Variants in RAP1GAP observed in about 807,000 individuals in gnomAD.
The protein encoded by RAP1GAP is rap1 GTPase-activating protein 1.
RAP1GAP carries 35 observed loss-of-function variants against 87.2 expected under a neutral mutation model. That is an observed-to-expected ratio of 0.40 (90% CI 0.31 to 0.53). RAP1GAP has a LOEUF of 0.53. RAP1GAP is among the 20% of genes least tolerant of loss of function. The pLI is 0.48. For missense variants in RAP1GAP, 734 were observed against 898.9 expected, an observed-to-expected ratio of 0.82 and a Z score of 2.35; for synonymous variants, 375 against 363.9, an observed-to-expected ratio of 1.03 and a Z score of -0.35.
chr1:21,654,346 C>T (rs531045031), intron 1 of RAP1GAP, among the ~76,000 whole-genome samples: 2 of 152,338 alleles, frequency 1.3e-5, no homozygotes, highest in South Asian at 4.1e-4. Context: ...TCAGCTCTCC[C>T]GCTTGTCACC....
chr1:21,609,968 A>AG lies in RAP1GAP; in HGVS notation c.999+151dup. 1.0e-6 allele frequency: 1 copy of AG among 990,300 alleles called. No homozygotes were observed. 61.3% of individuals were successfully genotyped at this position (990,300 alleles called of 1,614,324 possible). A position where few individuals can be genotyped will look rare whatever the true frequency, so the allele number is the denominator to read the frequency against. Reference sequence around the variant, plus strand: ...TGAGGGGGTGAGCTTTGGGGACGACAGGGGGCGTGGTGTGAACAGTGCACC... The same window carrying AG: ...TGAGGGGGTGAGCTTTGGGGACGACAGGGGGGCGTGGTGTGAACAGTGCACC... On this transcript the variant is annotated intron_variant, in intron 14 of 24. Coordinates refer to ENST00000374765, the MANE Select transcript of RAP1GAP (RefSeq NM_002885.4). This position sits in a 1 kb window ranked among gnomAD's most constrained non-coding sequence, Gnocchi z 4.4.
chr1:21,669,357 C>G lies in RAP1GAP; in HGVS notation c.-252G>C, dbSNP rs2097509775. 9.4e-7 allele frequency: 1 copy of G among 1,059,326 alleles called. No homozygotes were observed. Among genetic ancestry groups the G allele is most frequent in the Non-Finnish European group, 1.1e-6 (1 of 873,726 alleles). 65.6% of individuals were successfully genotyped at this position (1,059,326 alleles called of 1,614,324 possible). A position where few individuals can be genotyped will look rare whatever the true frequency, so the allele number is the denominator to read the frequency against. ...GCCGGCGCTCGCCGCCGCCGCAGTT[C>G]GGGGAGGGGGACGTCACATGACCGC... On this transcript the variant is annotated 5_prime_UTR_variant, in exon 1 of 25. Coordinates refer to ENST00000374765, the MANE Select transcript of RAP1GAP (RefSeq NM_002885.4). The surrounding 1 kb of genome is among the most constrained non-coding windows in gnomAD (Gnocchi z 5.6).
At chr1:21,645,612 G>A (rs2095978074) in intron 2 of RAP1GAP, among the ~76,000 whole-genome samples, 1 of 152,224 alleles carries the variant, frequency 6.6e-6, no homozygotes, top group Non-Finnish European at 1.5e-5. Context: ...GCTTGGCCAA[G>A]GGGATGAGGC....
At position 21,609,602 on chromosome 1, in the gene RAP1GAP, G is replaced by C. The variant is rs371386567; in HGVS notation, c.1044C>G (p.Pro348=). ...TCCTGAACACAGCGGGGTCCGGGAG[G>C]GGGGGTCCAAAGAAGGGCACATCAT... is the stretch of plus-strand genomic sequence containing the variant. ...ARDDVPFFGP[P]LPDPAVFRKG... The change falls in exon 15 of 25, where the codon CCC becomes CCG. Residue 348 remains proline, a synonymous_variant. Coordinates refer to ENST00000374765, the MANE Select transcript of RAP1GAP (RefSeq NM_002885.4). This position sits in a 1 kb window ranked among gnomAD's most constrained non-coding sequence, Gnocchi z 4.4. 25 of 1,580,578 alleles carry C rather than the reference G, an allele frequency of 1.6e-5. No homozygotes were observed. In the East Asian group the frequency reaches 3.7e-4, roughly 23 times the overall value.
At chr1:21,625,878 G>A (rs2091799765) in intron 3 of RAP1GAP, among the ~76,000 whole-genome samples, 1 of 152,178 alleles carries the variant, frequency 6.6e-6, no homozygotes, top group Non-Finnish European at 1.5e-5. Context: ...CTCGTTGACA[G>A]GGCTCTTGCT....
chr1:21,657,014 C>T (rs953987136), intron 1 of RAP1GAP, among the ~76,000 whole-genome samples: 1 of 152,222 alleles, frequency 6.6e-6, no homozygotes, highest in Non-Finnish European at 1.5e-5. Flanking sequence ...CAGACACTGG[C>T]GATAGAGTCT....
At chr1:21,624,997 C>T (rs1438557924) in intron 3 of RAP1GAP, among the ~76,000 whole-genome samples, 1 of 152,208 alleles carries the variant, frequency 6.6e-6, no homozygotes, top group Non-Finnish European at 1.5e-5. Flanking sequence ...ACCCAGCTGT[C>T]AAGTGAGGGC....
intron 1 of RAP1GAP, among the ~76,000 whole-genome samples, chr1:21,664,280 C>T (rs76929929): frequency 0.012 from 1,807 of 152,264 alleles, 14 homozygotes; most frequent in African/African-American, 0.022. Context: ...GGGAAACAGG[C>T]GAGGGGGCCA....
Position 21,610,289 on chromosome 1 carries a change from C to T in RAP1GAP, c.844-14G>A. ...CTTCCGCTGCAACTGAGCACAAAGC[C>T]ACGGGCCTTCGTGGTCTGGCCAGAG... On this transcript the variant is annotated splice_polypyrimidine_tract_variant and intron_variant, in intron 13 of 24. Coordinates refer to ENST00000374765, the MANE Select transcript of RAP1GAP (RefSeq NM_002885.4). The T allele has an allele frequency of 1.2e-6, 2 of 1,613,820 alleles. No individual in the cohort carries two copies. Among genetic ancestry groups the T allele is most frequent in the South Asian group, 1.1e-5 (1 of 91,068 alleles).
chr1:21,661,942 A>G (rs1300290242), intron 1 of RAP1GAP, among the ~76,000 whole-genome samples: 2 of 152,158 alleles, frequency 1.3e-5, no homozygotes, highest in African/African-American at 4.8e-5. Flanking sequence ...TCTCTTGGAA[A>G]CAGCTCTGCC....
intron 1 of RAP1GAP, among the ~76,000 whole-genome samples, chr1:21,658,127 C>T (rs1334225030): frequency 1.3e-5 from 2 of 152,252 alleles, no homozygotes; most frequent in East Asian, 1.9e-4. Flanking sequence ...GTAAAAAGCC[C>T]GGGTAACCCA....
chr1:21,648,421 T>C (rs1486256601), intron 2 of RAP1GAP, among the ~76,000 whole-genome samples: 1 of 152,222 alleles, frequency 6.6e-6, no homozygotes, highest in Admixed American at 6.5e-5. Flanking sequence ...GCACAGAGTC[T>C]GGAAGATCAA....
rs2083302315 is a variant in RAP1GAP, at chr1:21,617,849, AAGG to A, written c.105+82_105+84del. The A allele has an allele frequency of 7.6e-6, 12 of 1,572,088 alleles. No individual in the cohort carries two copies. In the Admixed American group the frequency reaches 2.0e-4, roughly 26 times the overall value. ...AGCAAGGCCTGCAGGTCAGGCTCCT[AAGG>A]AGGAGGACCTGGTATCCAGAAGCCC... is the stretch of plus-strand genomic sequence containing the variant. On this transcript the variant is annotated intron_variant, in intron 6 of 24. Coordinates refer to ENST00000374765, the MANE Select transcript of RAP1GAP (RefSeq NM_002885.4).
Position 21,610,286 on chromosome 1 carries a change from A to C in RAP1GAP, c.844-11T>G. On this transcript the variant is annotated splice_polypyrimidine_tract_variant and intron_variant, in intron 13 of 24. Transcript: ENST00000374765. ...CCGCTTCCGCTGCAACTGAGCACAA[A>C]GCCACGGGCCTTCGTGGTCTGGCCA... 1 of 1,613,822 alleles carries C rather than the reference A, an allele frequency of 6.2e-7. No individual in the cohort carries two copies. The highest frequency in any genetic ancestry group is 8.5e-7 in the Non-Finnish European group (1 of 1,179,900).
At position 21,605,971 on chromosome 1, in the gene RAP1GAP, C is replaced by G. The variant is rs1570535738; in HGVS notation, c.1428+95G>C. The G allele has an allele frequency of 2.1e-6, 3 of 1,417,148 alleles. No homozygotes were observed. The East Asian group carries it at 7.5e-5, about 35-fold the overall frequency. The allele number at this position is 1,417,148 out of a possible 1,614,324, so 87.8% of individuals were successfully genotyped here. ...TAGGATGGGCATGTGGGCAGCAGGG[C>G]AACAGAGAGAGTTGGAGTCAGGCCT... On this transcript the variant is annotated intron_variant, in intron 18 of 24. Coordinates refer to ENST00000374765, the MANE Select transcript of RAP1GAP (RefSeq NM_002885.4).
chr1:21,634,819 CA>C lies in RAP1GAP; in HGVS notation c.-112-8423del, dbSNP rs1553471555. Reference sequence around the variant, plus strand: ...CAGGTGGCCTGAGCCCCACTGTGGCCAAAACCTGACCCTTCCCACCCCACCG... The same window carrying C: ...CAGGTGGCCTGAGCCCCACTGTGGCCAAACCTGACCCTTCCCACCCCACCG... On this transcript the variant is annotated intron_variant, in intron 2 of 24. Transcript: ENST00000374765. The surrounding 1 kb of genome is among the most constrained non-coding windows in gnomAD (Gnocchi z 4.1). 4 of 413,136 alleles carry C rather than the reference CA, an allele frequency of 9.7e-6. No homozygotes were observed. Among genetic ancestry groups the C allele is most frequent in the Non-Finnish European group, 1.5e-5 (3 of 197,400 alleles). 25.6% of individuals were successfully genotyped at this position (413,136 alleles called of 1,614,324 possible). A position where few individuals can be genotyped will look rare whatever the true frequency, so the allele number is the denominator to read the frequency against.
intron 2 of RAP1GAP, among the ~76,000 whole-genome samples, chr1:21,629,115 A>C (rs903595415): frequency 6.6e-6 from 1 of 152,160 alleles, no homozygotes; most frequent in Non-Finnish European, 1.5e-5. Context: ...TCCCCTAGCG[A>C]ATGGGGGATG....
chr1:21,606,138 G>T lies in RAP1GAP; in HGVS notation c.1356C>A (p.Pro452=). The T allele has an allele frequency of 6.3e-7, 1 of 1,585,224 alleles. No homozygotes were observed. The highest frequency in any genetic ancestry group is 2.3e-5 in the East Asian group (1 of 43,738). The part of the protein sequence containing the change: ...MDAMGLSNKK[P]NTVSTSHSGS... ...CGCTGTGGCTGGTGGACACGGTGTT[G>T]GGCTTCTTGTTGCTCAGCCCCATGG... Residue 452 remains proline, a synonymous_variant, in exon 18 of 25, where the codon CCC becomes CCA. Transcript: ENST00000374765.
chr1:21,661,082 T>C lies in RAP1GAP; in HGVS notation c.-149+8172A>G, dbSNP rs150593753. On this transcript the variant is annotated intron_variant, in intron 1 of 24. Transcript: ENST00000374765. Reference sequence around the variant, plus strand: ...GCCTGGCCAATATGGCAAAACCCCATCTCTAGTAAAAATACAAAAATTAGC... The same window carrying C: ...GCCTGGCCAATATGGCAAAACCCCACCTCTAGTAAAAATACAAAAATTAGC... 9.6e-3 allele frequency among the ~76,000 whole-genome samples: 1,458 copies of C among 152,040 alleles called. 20 individuals carry two copies. The highest frequency in any genetic ancestry group is 0.033 in the African/African-American group (1,375 of 41,454).
Sources: gnomAD v4.1 joint callset for allele counts (sites outside exome capture counted in the v4.1 genomes callset) on GRCh38, gnomAD v4.1.1 for gene constraint, Gnocchi (gnomAD v3.1) non-coding constraint, MANE v1.5 for transcripts, NCBI Gene and HGNC (gene_info 2026-07-23, HGNC 2026-07-21) for gene names.